PODN: variants seen among roughly 807,000 people sequenced by gnomAD.
PODN encodes podocan.
In PODN, 40 loss-of-function variants were observed where a neutral mutation model predicts 52.7. The observed-to-expected ratio is 0.76, with a 90% CI of 0.59 to 0.99. The LOEUF (loss-of-function observed/expected upper bound fraction) is 0.99, where lower values mean the gene tolerates loss of function less well. Among genes scored for constraint, PODN ranks in the 50% least tolerant of loss-of-function variants. PODN has a pLI of 0.00. For missense variants in PODN, 720 were observed against 815.1 expected, an observed-to-expected ratio of 0.88 and a Z score of 1.42; for synonymous variants, 396 against 377.9, an observed-to-expected ratio of 1.05 and a Z score of -0.56.
At chr1:53,067,865 A>G (rs1644055230) in intron 1 of PODN, among the ~76,000 whole-genome samples, 1 of 147,030 alleles carries the variant, frequency 6.8e-6, no homozygotes. Context: ...ACAGTGAGCT[A>G]TGATTGCACC....
rs1644339801 is a variant in PODN, at chr1:53,084,816, C to G, written c.*331C>G. The G allele has an allele frequency of 6.6e-6, 1 of 152,644 alleles. No homozygotes were observed. The highest frequency in any genetic ancestry group is 1.5e-5 in the Non-Finnish European group (1 of 68,196). 9.5% of individuals were successfully genotyped at this position (152,644 alleles called of 1,614,324 possible). On this transcript the variant is annotated 3_prime_UTR_variant, in exon 11 of 11. Transcript: ENST00000312553. The stretch of plus-strand genomic sequence containing the variant: ...GAATCATGCAGGGAAGGGTCTGCCC[C>G]TGCCCTGGCACACACAGGCACCCAT...
chr1:53,073,651 G>C (rs1644152413), intron 3 of PODN: 1 of 152,202 alleles, frequency 6.6e-6, no homozygotes, highest in South Asian at 2.1e-4. Context: ...GACTGGGATA[G>C]AAACTTTGTA....
At chr1:53,072,290 A>C (rs1557651173) in intron 3 of PODN, among the ~76,000 whole-genome samples, 1 of 152,232 alleles carries the variant, frequency 6.6e-6, no homozygotes, top group Admixed American at 6.5e-5. Context: ...ACTAGAATCC[A>C]TAAGTTATTT....
chr1:53,067,091 G>A lies in PODN; in HGVS notation c.-55-2710G>A, dbSNP rs187719619. On this transcript the variant is annotated intron_variant, in intron 1 of 10. Transcript: ENST00000312553. ...TGGTCTGTAGACTGATGTTGGGTCA[G>A]GGGCAGGGGCAGCAGGGGTGTGGTG... Among the ~76,000 whole-genome samples the A allele has an allele frequency of 3.2e-3, 492 of 152,318 alleles. 2 individuals are homozygous for A. The highest frequency in any genetic ancestry group is 5.0e-3 in the Non-Finnish European group (339 of 68,030).
chr1:53,064,365 G>C (rs990370033), intron 1 of PODN, among the ~76,000 whole-genome samples: 19 of 152,230 alleles, frequency 1.2e-4, no homozygotes, highest in African/African-American at 4.3e-4. Flanking sequence ...TTCAGCAGGA[G>C]CTTTCTAGGG....
intron 2 of PODN, 123 bp from the exon 3 acceptor site, chr1:53,071,412 A>G: frequency 1.2e-6 from 1 of 834,906 alleles, no homozygotes; most frequent in Non-Finnish European, 1.9e-6. Flanking sequence ...ATGGGGGAGA[A>G]TTCCAAGGGA....
In PODN at chr1:53,078,462, A is replaced by G; in HGVS notation, c.952A>G (p.Lys318Glu). 2 of 1,613,214 alleles carry G rather than the reference A, an allele frequency of 1.2e-6. No individual in the cohort carries two copies. Among genetic ancestry groups the G allele is most frequent in the Non-Finnish European group, 1.7e-6 (2 of 1,179,962 alleles). Residue 318 changes from lysine to glutamate, a missense_variant, in exon 8 of 11, where the codon AAG (lysine) becomes GAG (glutamate). Physicochemically the swap from Lys to Glu is moderately conservative, Grantham distance 56. Transcript: ENST00000312553. ...CAGCCTGGTGCTGCTGCACTTGGAGAAGAACGCCATCCGGAGCGTGGACGC... is the reference window on the plus strand; with the variant it reads ...CAGCCTGGTGCTGCTGCACTTGGAGGAGAACGCCATCCGGAGCGTGGACGC... ...PRSLVLLHLEKNAIRSVDANV... is the reference protein window; with the variant it reads ...PRSLVLLHLEENAIRSVDANV...
At chr1:53,080,239 C>T (rs1644262656) in intron 8 of PODN, among the ~76,000 whole-genome samples, 1 of 152,174 alleles carries the variant, frequency 6.6e-6, no homozygotes, top group African/African-American at 2.4e-5. Context: ...ACGTGTGGCC[C>T]CTGAGGTCCA....
At chr1:53,072,161 G>T (rs12568971) in intron 3 of PODN, among the ~76,000 whole-genome samples, 37,273 of 151,366 alleles carry the variant, frequency 0.25, 8,338 homozygotes, top group African/African-American at 0.58. Context: ...AATGCACACA[G>T]TTTTAAAGCA....
At chr1:53,063,101 C>G (rs1643983138) in intron 1 of PODN, among the ~76,000 whole-genome samples, 3 of 152,180 alleles carry the variant, frequency 2.0e-5, no homozygotes, top group African/African-American at 7.2e-5. Context: ...GGGCGGGGGA[C>G]GAGATCTTGG....
intron 4 of PODN, 34 bp downstream of exon 4, chr1:53,074,704 C>T: frequency 1.3e-6 from 2 of 1,599,084 alleles, no homozygotes; most frequent in South Asian, 1.1e-5. Context: ...GGGGTTGCTG[C>T]CCTGTCCTCT....
rs751610019 is a variant in PODN, at chr1:53,069,971, G to A, written c.116G>A (p.Ser39Asn). 24 of 1,607,656 alleles carry A rather than the reference G, an allele frequency of 1.5e-5. No homozygotes were observed. The highest frequency in any genetic ancestry group is 1.9e-5 in the Non-Finnish European group (22 of 1,177,576). ...GFGRSGGHSL[S>N]PEENEFAEEE... ...GGCCGAAGTGGCGGCCACAGCCTGA[G>A]CCCCGAAGAGAACGAATTTGCGGAG... Residue 39 changes from serine to asparagine, a missense_variant, in exon 2 of 11, where the codon AGC becomes AAC. By Grantham distance (46) the Ser-to-Asn change is conservative (BLOSUM62 1). Transcript: ENST00000312553.
chr1:53,073,176 T>C (rs1046447020), intron 3 of PODN: 5 of 222,356 alleles, frequency 2.2e-5, no homozygotes, highest in Admixed American at 1.6e-4. Flanking sequence ...TCATGGCTCC[T>C]ATAACAAAGC....
Position 53,082,077 on chromosome 1 carries a change from T to A in PODN, c.1758T>A (p.Gly586=). Reference sequence around the variant, plus strand: ...ACATTGAAGGCAACTTAGAGTTTGGTGACATTTCCAAGGACCGTGGCCGCT... The same window carrying A: ...ACATTGAAGGCAACTTAGAGTTTGGAGACATTTCCAAGGACCGTGGCCGCT... ...VLDIEGNLEF[G]DISKDRGRLG... is the part of the protein sequence containing the mutation. The change falls in exon 10 of 11, where the codon GGT becomes GGA. Residue 586 remains glycine, a synonymous_variant. Coordinates refer to ENST00000312553, the MANE Select transcript of PODN (RefSeq NM_153703.5). 1.2e-6 allele frequency: 2 copies of A among 1,613,480 alleles called. No homozygotes were observed. Among genetic ancestry groups the A allele is most frequent in the Non-Finnish European group, 1.7e-6 (2 of 1,179,864 alleles).
chr1:53,081,834 T>C (rs1644299997), intron 9 of PODN, 147 bp from the exon 10 acceptor site: 2 of 1,230,426 alleles, frequency 1.6e-6, no homozygotes, highest in South Asian at 3.2e-5. Context: ...TGTACTGCGC[T>C]CTCAGCCCCT....
At chr1:53,069,164 G>A (rs1319310555) in intron 1 of PODN, among the ~76,000 whole-genome samples, 3 of 152,174 alleles carry the variant, frequency 2.0e-5, no homozygotes, top group Non-Finnish European at 2.9e-5. Flanking sequence ...GGAGCCCTGG[G>A]GCATCTCAGT....
rs775826618 is a variant in PODN, at chr1:53,077,775, G to A, written c.829G>A (p.Glu277Lys). 1.7e-5 allele frequency: 27 copies of A among 1,613,500 alleles called. No homozygotes were observed. The Admixed American group carries it at 2.2e-4, about 13-fold the overall frequency. The change falls in exon 7 of 11, where the codon GAG becomes AAG. Residue 277 changes from glutamate to lysine, a missense_variant. By Grantham distance (56) the Glu-to-Lys change is moderately conservative. Coordinates refer to ENST00000312553, the MANE Select transcript of PODN (RefSeq NM_153703.5). ...CCTGCAGAACAACTACCTGACTGACGAGGGCCTGGACAACGAGACCTTCTG... is the reference window on the plus strand; with the variant it reads ...CCTGCAGAACAACTACCTGACTGACAAGGGCCTGGACAACGAGACCTTCTG... Reference protein sequence around the residue: ...LYLQNNYLTDEGLDNETFWKL... With the variant: ...LYLQNNYLTDKGLDNETFWKL...
At chr1:53,079,198 C>A (rs1300483999) in intron 8 of PODN, among the ~76,000 whole-genome samples, 176 bp downstream of exon 8, 1 of 152,166 alleles carries the variant, frequency 6.6e-6, no homozygotes, top group African/African-American at 2.4e-5. Context: ...CTGGCTAAGG[C>A]GAAGCTAGGC....
Position 53,080,964 on chromosome 1 carries a change from G to A in PODN, c.1661+88G>A, listed in dbSNP as rs1644287706. ...AGTTGATGCACGTGGGAACAGCTTG[G>A]CTCCACTGCTGCCTGTGTAACCACG... On this transcript the variant is annotated intron_variant, in intron 9 of 10. Transcript: ENST00000312553. The A allele has an allele frequency of 3.3e-6, 5 of 1,513,090 alleles. No individual in the cohort carries two copies. In the Admixed American group the frequency reaches 5.3e-5, roughly 16 times the overall value. 93.7% of individuals were successfully genotyped at this position (1,513,090 alleles called of 1,614,324 possible).
Sources: allele counts gnomAD v4.1 joint callset (sites outside exome capture counted in the v4.1 genomes callset), GRCh38; gene constraint gnomAD v4.1.1; transcripts MANE v1.5; gene names NCBI Gene and HGNC (gene_info 2026-07-23, HGNC 2026-07-21).